Variants in CMSS1 observed in about 807,000 individuals in gnomAD.
CMSS1 encodes protein CMSS1.
CMSS1 carries 33 observed loss-of-function variants against 43.5 expected under a neutral mutation model. The ratio of observed to expected loss-of-function variants is 0.76; its 90% confidence interval spans 0.57 to 1.01. The LOEUF (loss-of-function observed/expected upper bound fraction) is 1.01. CMSS1 is among the 50% of genes least tolerant of loss of function. The pLI is 0.00. For synonymous variants in CMSS1, 115 were observed against 117.2 expected (o/e 0.98, Z 0.12); for missense variants, 313 against 326.4 (o/e 0.96, Z 0.32).
intron 2 of CMSS1, among the ~76,000 whole-genome samples, chr3:100,159,283 T>C (rs531671047): frequency 6.6e-6 from 1 of 152,370 alleles, no homozygotes; most frequent in East Asian, 1.9e-4. Flanking sequence ...ACTTTAATCC[T>C]GAACTTTTTA....
chr3:99,948,036 A>G (rs1403118740), intron 1 of CMSS1, among the ~76,000 whole-genome samples: 4 of 152,248 alleles, frequency 2.6e-5, no homozygotes, highest in Non-Finnish European at 5.9e-5. Context: ...TGGTAAGATA[A>G]TAAGTATTTT....
intron 1 of CMSS1, among the ~76,000 whole-genome samples, chr3:100,029,857 A>G (rs1427827949): frequency 4.6e-5 from 7 of 152,238 alleles, no homozygotes; most frequent in African/African-American, 9.6e-5. Context: ...GGAGATGTCA[A>G]CAGTCAAAAT....
At chr3:99,895,056 T>C (rs1183280637) in intron 1 of CMSS1, among the ~76,000 whole-genome samples, 1 of 152,138 alleles carries the variant, frequency 6.6e-6, no homozygotes. Context: ...AAAGTAGCTC[T>C]GGAAATACTC....
At chr3:100,141,048 A>AT (rs2066800196) in intron 1 of CMSS1, among the ~76,000 whole-genome samples, 1 of 152,142 alleles carries the variant, frequency 6.6e-6, no homozygotes, top group African/African-American at 2.4e-5. Flanking sequence ...ACAGTTTTAT[A>AT]TTTTTTATGA....
intron 1 of CMSS1, among the ~76,000 whole-genome samples, chr3:100,119,036 G>A (rs1408794332): frequency 6.6e-6 from 1 of 151,976 alleles, no homozygotes; most frequent in African/African-American, 2.4e-5. Flanking sequence ...CCTCTGTGAA[G>A]GTTTTGCACT....
At chr3:100,105,424 T>G (rs991779533) in intron 1 of CMSS1, among the ~76,000 whole-genome samples, 1 of 152,188 alleles carries the variant, frequency 6.6e-6, no homozygotes, top group East Asian at 1.9e-4. Context: ...CAACTGCAAT[T>G]CGTATCTAAC....
intron 2 of CMSS1, among the ~76,000 whole-genome samples, chr3:100,154,858 G>C (rs779104753): frequency 1.3e-5 from 2 of 152,124 alleles, no homozygotes; most frequent in Non-Finnish European, 2.9e-5. Flanking sequence ...TGTAATCCCA[G>C]CTACTCAGGA....
At chr3:99,974,304 A>G (rs546900924) in intron 1 of CMSS1, among the ~76,000 whole-genome samples, 1 of 152,208 alleles carries the variant, frequency 6.6e-6, no homozygotes, top group Non-Finnish European at 1.5e-5. Context: ...TTGGACCTGC[A>G]GTTTTTAGAA....
intron 1 of CMSS1, among the ~76,000 whole-genome samples, chr3:99,948,592 GAGAA>G (rs922634139): frequency 2.1e-5 from 3 of 145,076 alleles, no homozygotes; most frequent in Non-Finnish European, 4.5e-5. Flanking sequence ...AGGAGGGAGA[GAGAA>G]AGAGAGGGGA....
At chr3:99,972,918 A>T (rs1364954383) in intron 1 of CMSS1, among the ~76,000 whole-genome samples, 2 of 152,234 alleles carry the variant, frequency 1.3e-5, no homozygotes, top group African/African-American at 4.8e-5. Context: ...GTTTGTTACA[A>T]GGAAGTAAAC....
intron 1 of CMSS1, among the ~76,000 whole-genome samples, chr3:99,907,195 G>A (rs1257772573): frequency 6.6e-6 from 1 of 152,072 alleles, no homozygotes; most frequent in Non-Finnish European, 1.5e-5. Context: ...TTATCATAGT[G>A]CTGATGGAAT....
rs528594468 is a variant in CMSS1 at position 99,923,710 on chromosome 3, A to G, written c.64+105667A>G. 2.0e-5 allele frequency among the ~76,000 whole-genome samples: 3 copies of G among 152,296 alleles called. No homozygotes were observed. In the South Asian group the frequency reaches 6.2e-4, roughly 32 times the overall value. On this transcript the variant is annotated intron_variant, in intron 1 of 9. Coordinates refer to ENST00000421999, the MANE Select transcript of CMSS1 (RefSeq NM_032359.4). ...CATGTTCCCTTAATCGTTCTTTAGG[A>G]AAGCATAACTGATCATCTTATTTTC...
intron 1 of CMSS1, among the ~76,000 whole-genome samples, chr3:100,109,106 A>T (rs1202777730): frequency 6.7e-6 from 1 of 150,114 alleles, no homozygotes; most frequent in African/African-American, 2.4e-5. Flanking sequence ...AAAAAAGCAT[A>T]TTTCTCTGCC....
At chr3:100,139,663 G>A (rs2066788699) in intron 1 of CMSS1, among the ~76,000 whole-genome samples, 1 of 150,428 alleles carries the variant, frequency 6.6e-6, no homozygotes, top group Non-Finnish European at 1.5e-5. Flanking sequence ...TGGGCATGGT[G>A]GTGGGCACCT....
At chr3:100,079,256 T>C (rs562626645) in intron 1 of CMSS1, among the ~76,000 whole-genome samples, 23 of 152,358 alleles carry the variant, frequency 1.5e-4, no homozygotes, top group African/African-American at 4.8e-4. Context: ...AAAGAGTTAC[T>C]ATCGATGCTT....
intron 1 of CMSS1, among the ~76,000 whole-genome samples, chr3:100,063,440 T>C (rs2065608505): frequency 6.6e-6 from 1 of 152,162 alleles, no homozygotes; most frequent in Non-Finnish European, 1.5e-5. Flanking sequence ...TCTGAATAGC[T>C]TTTTACTGTA....
intron 1 of CMSS1, among the ~76,000 whole-genome samples, chr3:99,983,389 A>ATATATATATATAT (rs1559713312): frequency 2.5e-5 from 1 of 40,788 alleles, no homozygotes; most frequent in African/African-American, 1.0e-4. Flanking sequence ...TAAATAAATA[A>ATATATATATATAT]ATATATATAT....
intron 1 of CMSS1, among the ~76,000 whole-genome samples, chr3:99,980,964 A>G (rs1020130291): frequency 1.1e-4 from 17 of 152,180 alleles, no homozygotes; most frequent in Admixed American, 1.0e-3. Flanking sequence ...GGACCCATTT[A>G]ACCAAATGAG....
chr3:99,884,021 C>G (rs1215384254), intron 1 of CMSS1, among the ~76,000 whole-genome samples: 1 of 152,142 alleles, frequency 6.6e-6, no homozygotes, highest in Non-Finnish European at 1.5e-5. Context: ...GTACTTCTCT[C>G]ATCTGCTATT....
Sources: allele counts gnomAD v4.1 joint callset (sites outside exome capture counted in the v4.1 genomes callset), GRCh38; gene constraint gnomAD v4.1.1; transcripts MANE v1.5; gene names NCBI Gene and HGNC (gene_info 2026-07-23, HGNC 2026-07-21).